EIF4G1: variants seen among roughly 807,000 people sequenced by gnomAD.
The protein encoded by EIF4G1 is EIF4-gamma.
In EIF4G1, 4 loss-of-function variants were observed where a neutral mutation model predicts 187.8. The observed-to-expected ratio is 0.02, with a 90% CI of 0.01 to 0.05. The LOEUF is 0.05. EIF4G1 is among the 10% of genes least tolerant of loss of function. The pLI, the probability that EIF4G1 is intolerant of heterozygous loss-of-function variation, is 1.00. For missense variants in EIF4G1, 1,647 were observed against 2,081.1 expected (o/e 0.79, Z 4.06); for synonymous variants, 844 against 781.4 (o/e 1.08, Z -1.34).
In EIF4G1 at chr3:184,321,991, AGAAGCAGG is replaced by A; in HGVS notation, c.1408_1415del (p.Glu470ArgfsTer3). ...AAGAAGAGGAAGAAGGAGAAGCAGG[AGAAGCAGG>A]AGAAGCTGAGAGTGAGAAAGGAGGA... On this transcript the variant is annotated frameshift_variant, in exon 10 of 33. Coordinates refer to ENST00000346169, the MANE Select transcript of EIF4G1 (RefSeq NM_198241.3). LOFTEE classifies it high-confidence loss of function. The A allele has an allele frequency of 3.7e-6, 6 of 1,614,032 alleles. No homozygotes were observed. Among genetic ancestry groups the A allele is most frequent in the Non-Finnish European group, 5.1e-6 (6 of 1,179,896 alleles).
chr3:184,316,659 C>G, intron 4 of EIF4G1: 35 of 1,545,552 alleles, frequency 2.3e-5, no homozygotes, highest in Non-Finnish European at 2.8e-5. Context: ...ATTCCCTCCC[C>G]CCGCCATCAC....
chr3:184,327,567 C>T lies in EIF4G1; in HGVS notation c.3662-19C>T. The T allele has an allele frequency of 1.9e-6, 3 of 1,613,818 alleles. 1 individual carries two copies. The highest frequency in any genetic ancestry group is 3.3e-4 in the Middle Eastern group (2 of 6,062). ...GGGAAGACTGAAAAGTCCCTCTAATCTGTGTTCTCTTCCCACAGTGAAGCG... is the reference window on the plus strand; with the variant it reads ...GGGAAGACTGAAAAGTCCCTCTAATTTGTGTTCTCTTCCCACAGTGAAGCG... On this transcript the variant is annotated intron_variant, in intron 24 of 32. Transcript: ENST00000346169.
At chr3:184,333,501 A>G (rs1481117524) in intron 32 of EIF4G1, among the ~76,000 whole-genome samples, 1 of 152,190 alleles carries the variant, frequency 6.6e-6, no homozygotes, top group Non-Finnish European at 1.5e-5. Flanking sequence ...AAAGGAGGAC[A>G]GGCCCCTCTG....
rs1485959227 is a variant in EIF4G1 at position 184,322,616 on chromosome 3, A to C, written c.1681A>C (p.Ser561Arg). The C allele has an allele frequency of 1.2e-6, 2 of 1,614,222 alleles. No homozygotes were observed. The highest frequency in any genetic ancestry group is 2.2e-5 in the East Asian group (1 of 44,890). Residue 561 changes from serine (S) to arginine (R), a missense_variant, in exon 12 of 33, where the codon AGT (serine) becomes CGT (arginine). This residue lies in a region of EIF4G1 where 522 missense variants were observed against 485.2 expected (regional missense o/e 1.08). Coordinates refer to ENST00000346169, the MANE Select transcript of EIF4G1 (RefSeq NM_198241.3). Reference protein sequence around the residue: ...GSNPGPESEGSGVPPRPEEAD... With the variant: ...GSNPGPESEGRGVPPRPEEAD... ...CAATCCAGGCCCAGAGTCTGAGGGC[A>C]GTGGTGTGCCCCCACGTCCTGAGGA...
At chr3:184,315,946 C>G in intron 3 of EIF4G1, 90 bp downstream of exon 3, 1 of 1,501,016 alleles carries the variant, frequency 6.7e-7, no homozygotes, top group Non-Finnish European at 9.0e-7. Flanking sequence ...TGTGTCAGGG[C>G]AAAGTGCAGC....
intron 4 of EIF4G1, chr3:184,316,796 A>G: frequency 2.6e-6 from 4 of 1,538,366 alleles, no homozygotes; most frequent in Non-Finnish European, 3.5e-6. Flanking sequence ...CACCCTAGTC[A>G]GGGGCTAGAC....
rs772781836 is a variant in EIF4G1 at position 184,331,530 on chromosome 3, C to T, written c.4319C>T (p.Ser1440Phe). 1.9e-5 allele frequency: 30 copies of T among 1,614,016 alleles called. No individual in the cohort carries two copies. In the East Asian group the frequency reaches 3.8e-4, roughly 20 times the overall value. The stretch of plus-strand genomic sequence containing the variant: ...GCCCCTGGCCAGAGGGCACTCCCCT[C>T]CGAGGAGCTGAACAGGCAGCTGGAG... The part of the protein sequence containing the change: ...SEAPGQRALP[S>F]EELNRQLEKL... The change falls in exon 30 of 33, where the codon TCC (serine) becomes TTC (phenylalanine). Residue 1440 changes from serine (S) to phenylalanine (F), a missense_variant. This residue lies in a region of EIF4G1 where 543 missense variants were observed against 638.0 expected (regional missense o/e 0.85). Coordinates refer to ENST00000346169, the MANE Select transcript of EIF4G1 (RefSeq NM_198241.3).
In EIF4G1 at chr3:184,334,937, C is replaced by A. The variant is rs1397767996; in HGVS notation, c.*29C>A. ...CTGGTGGGGCCGGGGACCTGGAGCC[C>A]CATGGACACACAGATGGCCCGGCTA... On this transcript the variant is annotated 3_prime_UTR_variant, in exon 33 of 33. Transcript: ENST00000346169. The surrounding 1 kb of genome is among the most constrained non-coding windows in gnomAD (Gnocchi z 5.8). 2 of 1,612,958 alleles carry A rather than the reference C, an allele frequency of 1.2e-6. No individual in the cohort carries two copies. The highest frequency in any genetic ancestry group is 1.7e-6 in the Non-Finnish European group (2 of 1,179,776).
intron 6 of EIF4G1, 99 bp from the exon 7 acceptor site, chr3:184,319,590 G>A (rs1173761154): frequency 1.5e-5 from 12 of 801,186 alleles, no homozygotes; most frequent in Non-Finnish European, 2.2e-5. Flanking sequence ...GCCGGCTGTG[G>A]GTGGTGAGAG....
At chr3:184,321,178 ATGCGGGG>A in intron 9 of EIF4G1, 97 bp from the exon 10 acceptor site, 1 of 1,529,614 alleles carries the variant, frequency 6.5e-7, no homozygotes, top group South Asian at 1.1e-5. Context: ...GGAGAAGATG[ATGCGGGG>A]TTATTAAGTT....
At position 184,335,195 on chromosome 3, in the gene EIF4G1, C is replaced by A; in HGVS notation, c.*287C>A. The A allele has an allele frequency of 2.4e-6, 1 of 414,426 alleles. No homozygotes were observed. Among genetic ancestry groups the A allele is most frequent in the Non-Finnish European group, 4.4e-6 (1 of 226,688 alleles). The allele number at this position is 414,426 out of a possible 1,614,324, so 25.7% of individuals were successfully genotyped here. A position where few individuals can be genotyped will look rare whatever the true frequency, so the allele number is the denominator to read the frequency against. ...GGTGGGGAGGGGCACCAACGCCTGC[C>A]CCTGGGGTCCTTTTTTTTATTTTCT... On this transcript the variant is annotated 3_prime_UTR_variant, in exon 33 of 33. Coordinates refer to ENST00000346169, the MANE Select transcript of EIF4G1 (RefSeq NM_198241.3).
At chr3:184,326,137 AACACACACACACAC>A (rs34901174) in intron 21 of EIF4G1, among the ~76,000 whole-genome samples, 186 bp downstream of exon 21, 19 of 146,958 alleles carry the variant, frequency 1.3e-4, no homozygotes, top group Non-Finnish European at 2.6e-4. Context: ...GTGTTTGGCA[AACACACACACACAC>A]ACACACACAC....
At chr3:184,331,664 C>T in intron 30 of EIF4G1, 58 bp downstream of exon 30, 2 of 1,613,366 alleles carry the variant, frequency 1.2e-6, no homozygotes, top group Non-Finnish European at 8.5e-7. Context: ...GGGGTGGGGG[C>T]AGCAAGAATG....
At chr3:184,329,710 T>A (rs567433803) in intron 28 of EIF4G1, among the ~76,000 whole-genome samples, 3 of 152,352 alleles carry the variant, frequency 2.0e-5, no homozygotes, top group African/African-American at 7.2e-5. Flanking sequence ...TGGAGTATCT[T>A]AAGTACTGTG....
At chr3:184,315,158 C>G in intron 1 of EIF4G1, 2 of 347,458 alleles carry the variant, frequency 5.8e-6, no homozygotes, top group Non-Finnish European at 5.7e-6. Flanking sequence ...CCCTCCGGGC[C>G]GACCCTCACT....
At position 184,334,929 on chromosome 3, in the gene EIF4G1, C is replaced by T. The variant is rs761306891; in HGVS notation, c.*21C>T. On this transcript the variant is annotated 3_prime_UTR_variant, in exon 33 of 33. Transcript: ENST00000346169. This position sits in a 1 kb window ranked among gnomAD's most constrained non-coding sequence, Gnocchi z 5.8. ...ACTGAGGGCTGGTGGGGCCGGGGAC[C>T]TGGAGCCCCATGGACACACAGATGG... 2.5e-6 allele frequency: 4 copies of T among 1,613,270 alleles called. No homozygotes were observed. The highest frequency in any genetic ancestry group is 3.4e-6 in the Non-Finnish European group (4 of 1,179,900).
At chr3:184,328,792 G>A in intron 27 of EIF4G1, 36 bp downstream of exon 27, 1 of 1,614,156 alleles carries the variant, frequency 6.2e-7, no homozygotes, top group Non-Finnish European at 8.5e-7. Flanking sequence ...GGGAGGTAAA[G>A]ACCAGAGGAA....
chr3:184,319,864 G>A, intron 7 of EIF4G1, 63 bp downstream of exon 7: 1 of 1,199,948 alleles, frequency 8.3e-7, no homozygotes, highest in South Asian at 1.3e-5. Flanking sequence ...AGGTGCTGCT[G>A]GGACATTGTG....
chr3:184,327,562 C>T (rs916239528), intron 24 of EIF4G1, 24 bp from the exon 25 acceptor site: 4 of 1,613,696 alleles, frequency 2.5e-6, no homozygotes, highest in South Asian at 1.1e-5. Flanking sequence ...AAAAGTCCCT[C>T]TAATCTGTGT....
Sources: allele counts gnomAD v4.1 joint callset (sites outside exome capture counted in the v4.1 genomes callset), GRCh38; gene constraint gnomAD v4.1.1; regional missense constraint gnomAD v4.1.1; non-coding constraint Gnocchi (gnomAD v3.1); transcripts MANE v1.5; gene names NCBI Gene and HGNC (gene_info 2026-07-23, HGNC 2026-07-21).